The following ATP8B4 variants were observed in gnomAD, a reference collection of about 807,000 sequenced individuals.
ATP8B4 encodes probable phospholipid-transporting ATPase IM.
ATP8B4 carries 133 observed loss-of-function variants against 145.6 expected under a neutral mutation model. That is an observed-to-expected ratio of 0.91 (90% CI 0.79 to 1.05). The LOEUF (loss-of-function observed/expected upper bound fraction) is 1.05. Ranked by LOEUF, ATP8B4 falls within the 50% of genes least tolerant of loss-of-function variation. ATP8B4 has a pLI of 0.00. For synonymous variants in ATP8B4, 507 were observed against 492.9 expected, an observed-to-expected ratio of 1.03 and a Z score of -0.38; for missense variants, 1,458 against 1,425.2, an observed-to-expected ratio of 1.02 and a Z score of -0.37.
chr15:49,888,235 G>A (rs972555659), intron 23 of ATP8B4, among the ~76,000 whole-genome samples: 1 of 152,156 alleles, frequency 6.6e-6, no homozygotes, highest in Non-Finnish European at 1.5e-5. Context: ...AAGGTGAGGG[G>A]GAGCAGAGCT....
chr15:49,894,493 C>A (rs2037173309), intron 23 of ATP8B4, among the ~76,000 whole-genome samples: 1 of 152,114 alleles, frequency 6.6e-6, no homozygotes, highest in Admixed American at 6.5e-5. Context: ...CAAGAACCAG[C>A]CAAAACACCT....
intron 23 of ATP8B4, chr15:49,897,005 T>C (rs750152277): frequency 2.8e-5 from 9 of 326,052 alleles, no homozygotes; most frequent in Middle Eastern, 9.3e-4. Context: ...TTACCTGTCA[T>C]CATACCAAAA....
At chr15:50,077,354 C>T (rs1354085057) in intron 2 of ATP8B4, among the ~76,000 whole-genome samples, 1 of 152,128 alleles carries the variant, frequency 6.6e-6, no homozygotes, top group African/African-American at 2.4e-5. Flanking sequence ...AGATTGAAAA[C>T]ATAACAGTGC....
At chr15:49,882,888 A>C (rs2035635658) in intron 23 of ATP8B4, among the ~76,000 whole-genome samples, 1 of 152,202 alleles carries the variant, frequency 6.6e-6, no homozygotes, top group Admixed American at 6.5e-5. Context: ...TTAAGCTGAT[A>C]TTTATATACT....
intron 1 of ATP8B4, among the ~76,000 whole-genome samples, chr15:50,137,276 C>G (rs2044135833): frequency 6.6e-6 from 1 of 152,202 alleles, no homozygotes; most frequent in Non-Finnish European, 1.5e-5. Flanking sequence ...CTGGCTCTTA[C>G]CAATCAAAGT....
chr15:49,875,977 T>C (rs1287546036), intron 25 of ATP8B4, among the ~76,000 whole-genome samples: 1 of 152,198 alleles, frequency 6.6e-6, no homozygotes, highest in Non-Finnish European at 1.5e-5. Context: ...ATTTTTTTTT[T>C]CTTCAAATAC....
At chr15:50,011,895 T>A (rs573540649) in intron 6 of ATP8B4, among the ~76,000 whole-genome samples, 7 of 151,922 alleles carry the variant, frequency 4.6e-5, no homozygotes, top group South Asian at 2.1e-4. Flanking sequence ...CATTGTACTT[T>A]AAAAAAAATA....
chr15:49,965,356 TC>T (rs1232797098), intron 13 of ATP8B4, among the ~76,000 whole-genome samples: 1 of 152,214 alleles, frequency 6.6e-6, no homozygotes, highest in Non-Finnish European at 1.5e-5. Context: ...AGGAAAAGTT[TC>T]CCCTTTTTCT....
chr15:50,066,003 GAAAAAA>G (rs67307430), intron 3 of ATP8B4, among the ~76,000 whole-genome samples: 1 of 106,140 alleles, frequency 9.4e-6, no homozygotes, highest in Non-Finnish European at 2.0e-5. Context: ...TCAGAGGCCA[GAAAAAA>G]AAAAAAAAAG....
intron 2 of ATP8B4, among the ~76,000 whole-genome samples, chr15:50,075,043 C>A (rs2054088029): frequency 6.6e-6 from 1 of 152,166 alleles, no homozygotes; most frequent in Admixed American, 6.5e-5. Context: ...ACCCTCTCAC[C>A]ATTAAATTCC....
At chr15:50,032,745 A>G (rs1166630217) in intron 6 of ATP8B4, among the ~76,000 whole-genome samples, 1 of 152,216 alleles carries the variant, frequency 6.6e-6, no homozygotes, top group Non-Finnish European at 1.5e-5. Flanking sequence ...TAATGATATG[A>G]TATAAAGTAG....
At chr15:49,910,393 G>C (rs2037879285) in intron 20 of ATP8B4, among the ~76,000 whole-genome samples, 1 of 152,110 alleles carries the variant, frequency 6.6e-6, no homozygotes, top group African/African-American at 2.4e-5. Context: ...CATTCCCAAA[G>C]GTGAAGAGAG....
intron 6 of ATP8B4, among the ~76,000 whole-genome samples, chr15:50,018,525 C>T (rs185968302): frequency 1.1e-4 from 16 of 152,272 alleles, no homozygotes; most frequent in Non-Finnish European, 1.9e-4. Context: ...TCTTCTGATA[C>T]CCGGAGTATA....
chr15:49,886,496 T>A (rs1451807887), intron 23 of ATP8B4, among the ~76,000 whole-genome samples: 1 of 152,224 alleles, frequency 6.6e-6, no homozygotes, highest in African/African-American at 2.4e-5. Context: ...GCTAATCATA[T>A]TTTTATAAAA....
chr15:50,074,147 T>C lies in ATP8B4; in HGVS notation c.67A>G (p.Asn23Asp), dbSNP rs780339142. The change falls in exon 3 of 28, where the codon AAT (asparagine) becomes GAT (aspartate). Residue 23 changes from asparagine to aspartate, a missense_variant. Asn to Asp is a conservative substitution (Grantham distance 23, BLOSUM62 1). Coordinates refer to ENST00000284509, the MANE Select transcript of ATP8B4 (RefSeq NM_024837.4). ...RIVKANDREY[N>D]EKFQYADNRI... Reference sequence around the variant, plus strand: ...CTTACCGCATACTGGAACTTTTCATTATATTCACGGTCATTGGCTTTCACT... The same window carrying C: ...CTTACCGCATACTGGAACTTTTCATCATATTCACGGTCATTGGCTTTCACT... 1 of 1,613,238 alleles carries C rather than the reference T, an allele frequency of 6.2e-7. No individual in the cohort carries two copies. The highest frequency in any genetic ancestry group is 1.7e-5 in the Admixed American group (1 of 59,906).
At chr15:49,957,790 T>C (rs1209582980) in intron 14 of ATP8B4, among the ~76,000 whole-genome samples, 3 of 151,904 alleles carry the variant, frequency 2.0e-5, no homozygotes, top group South Asian at 2.1e-4. Context: ...AAACAGACTT[T>C]GGAATATATA....
At chr15:49,917,210 A>G (rs2039831274) in intron 19 of ATP8B4, 171 bp from the exon 20 acceptor site, 1 of 556,884 alleles carries the variant, frequency 1.8e-6, no homozygotes, top group Non-Finnish European at 3.1e-6. Flanking sequence ...AAATTCAAAG[A>G]CCTGGGTTTC....
chr15:50,093,536 G>T (rs750004364), intron 2 of ATP8B4, among the ~76,000 whole-genome samples: 23 of 151,920 alleles, frequency 1.5e-4, no homozygotes, highest in Admixed American at 2.6e-4. Flanking sequence ...GCTAACAGGT[G>T]GTTGGAACTA....
chr15:49,915,706 A>G (rs941927331), intron 20 of ATP8B4, among the ~76,000 whole-genome samples: 2 of 152,126 alleles, frequency 1.3e-5, no homozygotes, highest in Admixed American at 6.5e-5. Flanking sequence ...TATGGGGTCT[A>G]TCATTAAAAT....
Sources: allele counts gnomAD v4.1 joint callset (sites outside exome capture counted in the v4.1 genomes callset), GRCh38; gene constraint gnomAD v4.1.1; transcripts MANE v1.5; gene names NCBI Gene and HGNC (gene_info 2026-07-23, HGNC 2026-07-21).